PCDHGA2: variants seen among roughly 807,000 people sequenced by gnomAD.
The protein encoded by PCDHGA2 is protocadherin gamma-A2.
A neutral mutation model predicts 59.2 loss-of-function variants in PCDHGA2; 40 were observed. The ratio of observed to expected loss-of-function variants is 0.68; its 90% CI spans 0.52 to 0.88. PCDHGA2 has a LOEUF of 0.88. Among genes scored for constraint, PCDHGA2 ranks in the 40% least tolerant of loss-of-function variants. PCDHGA2 has a pLI of 0.00. For missense variants in PCDHGA2, 1,226 were observed against 1,204.0 expected, an observed-to-expected ratio of 1.02 and a Z score of -0.27; for synonymous variants, 560 against 526.0, an observed-to-expected ratio of 1.06 and a Z score of -0.89.
chr5:141,441,823 C>A (rs538052540), intron 1 of PCDHGA2: 6 of 357,336 alleles, frequency 1.7e-5, no homozygotes, highest in South Asian at 7.1e-5. Flanking sequence ...AGCTCTGGAG[C>A]GCAATGGCTT....
chr5:141,339,973 C>T lies in PCDHGA2; in HGVS notation c.1002C>T (p.Ile334=). The T allele has an allele frequency of 2.5e-6, 4 of 1,614,088 alleles. No individual in the cohort carries two copies. The highest frequency in any genetic ancestry group is 3.4e-6 in the Non-Finnish European group (4 of 1,179,972). ...GPGLLTRAKV[I]VTVLDVNDNA... Reference sequence around the variant, plus strand: ...GCCTTCTAACCAGAGCGAAGGTTATCGTCACGGTTCTGGATGTGAATGACA... The same window carrying T: ...GCCTTCTAACCAGAGCGAAGGTTATTGTCACGGTTCTGGATGTGAATGACA... Residue 334 remains isoleucine (I), a synonymous_variant, in exon 1 of 4, where the codon ATC becomes ATT. Coordinates refer to ENST00000394576, the MANE Select transcript of PCDHGA2 (RefSeq NM_018915.4).
rs772487189 is a variant in PCDHGA2 at position 141,415,555 on chromosome 5, C to G, written c.2424+74160C>G. 5 of 1,613,954 alleles carry G rather than the reference C, an allele frequency of 3.1e-6. No homozygotes were observed. In the African/African-American group the frequency reaches 6.7e-5, roughly 22 times the overall value. On this transcript the variant is annotated intron_variant, in intron 1 of 3. Transcript: ENST00000394576. ...CCAGGAGAGCTGTGAGAAAAACGAT[C>G]CTTTGTCTTTGTTAGATGATTCGAA...
intron 1 of PCDHGA2, among the ~76,000 whole-genome samples, chr5:141,461,001 A>C (rs1309762345): frequency 6.7e-6 from 1 of 150,320 alleles, no homozygotes; most frequent in Admixed American, 6.7e-5. Context: ...ATATATGTGT[A>C]TATATATATA....
Position 141,389,969 on chromosome 5 carries a change from C to T in PCDHGA2, c.2424+48574C>T, listed in dbSNP as rs762168749. 10 of 1,614,042 alleles carry T rather than the reference C, an allele frequency of 6.2e-6. No individual in the cohort carries two copies. In the South Asian group the frequency reaches 1.1e-4, roughly 18 times the overall value. On this transcript the variant is annotated intron_variant, in intron 1 of 3. Coordinates refer to ENST00000394576, the MANE Select transcript of PCDHGA2 (RefSeq NM_018915.4). ...AGTTTTACCTAGTGGTGGCCTTGGC[C>T]TTGATCTCAGTGCTCTTCCTCGTGG...
intron 1 of PCDHGA2, among the ~76,000 whole-genome samples, chr5:141,433,594 G>A (rs1331681563): frequency 1.3e-5 from 2 of 152,086 alleles, no homozygotes; most frequent in Admixed American, 1.3e-4. Context: ...CCAGTACTTT[G>A]GGAGGCCGAG....
intron 1 of PCDHGA2, chr5:141,361,685 A>G (rs1554077900): frequency 9.3e-6 from 15 of 1,613,570 alleles, no homozygotes; most frequent in Non-Finnish European, 1.2e-5. Context: ...GTGTTCGCGC[A>G]GCGCGCCTTC....
chr5:141,475,343 G>C (rs1425482944), intron 1 of PCDHGA2, among the ~76,000 whole-genome samples: 3 of 152,178 alleles, frequency 2.0e-5, no homozygotes, highest in Non-Finnish European at 2.9e-5. Context: ...ATGACATCCA[G>C]TTTTAAAAGA....
Position 141,346,291 on chromosome 5 carries a change from A to T in PCDHGA2, c.2424+4896A>T. On this transcript the variant is annotated intron_variant, in intron 1 of 3. Transcript: ENST00000394576. ...GGGGTTCGGGCTTTCCTGCAGACCT[A>T]TTCCCACGAGGTCTCCCTCACTGCG... The T allele has an allele frequency of 6.2e-7, 1 of 1,614,148 alleles. No homozygotes were observed. Among genetic ancestry groups the T allele is most frequent in the Non-Finnish European group, 8.5e-7 (1 of 1,180,010 alleles).
intron 1 of PCDHGA2, chr5:141,418,643 C>A (rs188546091): frequency 2.9e-5 from 46 of 1,614,022 alleles, no homozygotes; most frequent in Admixed American, 6.7e-5. Context: ...CACCTCCATC[C>A]TGAGAGTGAA....
intron 1 of PCDHGA2, chr5:141,357,267 C>G: frequency 1.2e-6 from 2 of 1,613,834 alleles, no homozygotes; most frequent in East Asian, 4.5e-5. Context: ...ACTCGGGCCT[C>G]ACACTCTATC....
rs775544632 is a variant in PCDHGA2, at chr5:141,339,964, G to T, written c.993G>T (p.Ala331=). 19 of 1,613,992 alleles carry T rather than the reference G, an allele frequency of 1.2e-5. No homozygotes were observed. The highest frequency in any genetic ancestry group is 1.6e-5 in the Non-Finnish European group (19 of 1,179,978). ...ATGGTCCGGGCCTTCTAACCAGAGC[G>T]AAGGTTATCGTCACGGTTCTGGATG... The part of the protein sequence containing the change: ...AQDGPGLLTR[A]KVIVTVLDVN... The change falls in exon 1 of 4, where the codon GCG becomes GCT. Residue 331 remains alanine, a synonymous_variant. Coordinates refer to ENST00000394576, the MANE Select transcript of PCDHGA2 (RefSeq NM_018915.4).
At chr5:141,374,158 G>T in intron 1 of PCDHGA2, 1 of 1,612,410 alleles carries the variant, frequency 6.2e-7, no homozygotes, top group Non-Finnish European at 8.5e-7. Flanking sequence ...CGCTGTGGGG[G>T]GCCGCGGCAG....
chr5:141,341,573 A>G (rs1757069489), intron 1 of PCDHGA2, 178 bp downstream of exon 1: 2 of 1,252,730 alleles, frequency 1.6e-6, no homozygotes, highest in Non-Finnish European at 2.2e-6. Context: ...TAAGAGGAAG[A>G]AGAGACGTGA....
At chr5:141,387,316 A>G (rs1239342995) in intron 1 of PCDHGA2, among the ~76,000 whole-genome samples, 3 of 152,214 alleles carry the variant, frequency 2.0e-5, no homozygotes, top group African/African-American at 7.2e-5. Flanking sequence ...TCTAATGAGT[A>G]AGTATGGAAA....
In PCDHGA2 at chr5:141,339,456, T is replaced by C; in HGVS notation, c.485T>C (p.Val162Ala). The C allele has an allele frequency of 6.2e-7, 1 of 1,614,246 alleles. No homozygotes were observed. Among genetic ancestry groups the C allele is most frequent in the Non-Finnish European group, 8.5e-7 (1 of 1,180,042 alleles). ...IPLKNAHDAD[V>A]GENALQKYAL... The stretch of plus-strand genomic sequence containing the variant: ...CTTAAGAATGCGCATGATGCAGACG[T>C]AGGTGAGAACGCCCTTCAGAAGTAC... The change falls in exon 1 of 4, where the codon GTA becomes GCA. Residue 162 changes from valine to alanine, a missense_variant. Val to Ala is a moderately conservative substitution (Grantham distance 64, BLOSUM62 0). Transcript: ENST00000394576.
Position 141,476,239 on chromosome 5 carries a change from A to T in PCDHGA2, c.2425-18568A>T. ...TTCACTATGAGATCCCGGAGGAAAG[A>T]GAGAAGGGTTTCGCTGTGGGCAACG... is the stretch of plus-strand genomic sequence containing the variant. On this transcript the variant is annotated intron_variant, in intron 1 of 3. Coordinates refer to ENST00000394576, the MANE Select transcript of PCDHGA2 (RefSeq NM_018915.4). This position sits in a 1 kb window ranked among gnomAD's most constrained non-coding sequence, Gnocchi z 7.6. 1 of 1,613,826 alleles carries T rather than the reference A, an allele frequency of 6.2e-7. No homozygotes were observed. Among genetic ancestry groups the T allele is most frequent in the Non-Finnish European group, 8.5e-7 (1 of 1,179,996 alleles).
chr5:141,446,188 T>G (rs566309564), intron 1 of PCDHGA2, among the ~76,000 whole-genome samples: 28 of 152,326 alleles, frequency 1.8e-4, no homozygotes, highest in African/African-American at 6.3e-4. Context: ...TTTTGTTTAT[T>G]ATTATATTCC....
chr5:141,368,303 C>A lies in PCDHGA2; in HGVS notation c.2424+26908C>A, dbSNP rs981191656. ...CCACTTGATTTTTATTTTTTAAACA[C>A]TGTTAAAGAGCATTCAAGTATATCT... On this transcript the variant is annotated intron_variant, in intron 1 of 3. Transcript: ENST00000394576. Among the ~76,000 whole-genome samples, 12 of 152,184 alleles carry A rather than the reference C, an allele frequency of 7.9e-5. No homozygotes were observed. In the East Asian group the frequency reaches 2.3e-3, roughly 29 times the overall value.
rs190449546 is a variant in PCDHGA2, at chr5:141,371,792, G to T, written c.2424+30397G>T. ...CCGTGCATGTAGCTGAGAACAATCC[G>T]CCTGGAGCCTCCATTGCGCATGTCA... On this transcript the variant is annotated intron_variant, in intron 1 of 3. Transcript: ENST00000394576. The T allele has an allele frequency of 2.8e-4, 458 of 1,613,872 alleles. 2 individuals are homozygous for T. In the African/African-American group the frequency reaches 4.6e-3, roughly 16 times the overall value.
Sources: gnomAD v4.1 joint callset for allele counts (sites outside exome capture counted in the v4.1 genomes callset) on GRCh38, gnomAD v4.1.1 for gene constraint, Gnocchi (gnomAD v3.1) non-coding constraint, MANE v1.5 for transcripts, NCBI Gene and HGNC (gene_info 2026-07-23, HGNC 2026-07-21) for gene names.